The following ENG variants were observed in gnomAD, a reference collection of about 807,000 sequenced individuals.
ENG encodes CD105 antigen.
Under a neutral mutation model 71.0 loss-of-function variants are expected in ENG, and 17 were observed. That is an observed-to-expected ratio of 0.24 (90% confidence interval 0.16 to 0.36). The LOEUF is 0.36. ENG is among the 10% of genes least tolerant of loss of function. The pLI, the probability that ENG is intolerant of heterozygous loss-of-function variation, is 1.00. For synonymous variants in ENG, 360 were observed against 366.9 expected (o/e 0.98, Z 0.21); for missense variants, 749 against 868.3 (o/e 0.86, Z 1.73).
chr9:127,815,826 C>A lies in ENG; in HGVS notation c.1853-20G>T. ...GGGAACCTGGGAGCGGGAGCGGGGG[C>A]AGGGGCGGAGGTCAGGGTCCTGGCC... On this transcript the variant is annotated intron_variant, in intron 14 of 14. Transcript: ENST00000373203. 1 of 1,547,526 alleles carries A rather than the reference C, an allele frequency of 6.5e-7. No individual in the cohort carries two copies. The highest frequency in any genetic ancestry group is 8.7e-7 in the Non-Finnish European group (1 of 1,146,314).
intron 2 of ENG, among the ~76,000 whole-genome samples, chr9:127,841,580 C>T (rs1468734304): frequency 1.3e-5 from 2 of 152,228 alleles, no homozygotes; most frequent in Non-Finnish European, 2.9e-5. Context: ...CCACAGTCCT[C>T]GTAGAGGGCA....
In ENG at chr9:127,843,774, T is replaced by A. The variant is rs1319985524; in HGVS notation, c.68-529A>T. ...ATATATATTTTTTTTTTTTTTTTTT[T>A]TTTTTTTTTTTTTTGAGATGGAGTT... On this transcript the variant is annotated intron_variant, in intron 1 of 14. Transcript: ENST00000373203. Among the ~76,000 whole-genome samples, 112 of 96,568 alleles carry A rather than the reference T, an allele frequency of 1.2e-3. 1 individual carries two copies. Among genetic ancestry groups the A allele is most frequent in the Admixed American group, 2.7e-3 (23 of 8,482 alleles). The allele number at this position is 96,568 out of a possible 152,430, so 63.4% of individuals were successfully genotyped here. A position where few individuals can be genotyped will look rare whatever the true frequency, so the allele number is the denominator to read the frequency against.
chr9:127,819,449 C>T (rs900834187), intron 10 of ENG, 173 bp downstream of exon 10: 20 of 801,806 alleles, frequency 2.5e-5, no homozygotes, highest in African/African-American at 1.0e-4. Flanking sequence ...AGACCAAGAG[C>T]GTCACCCTCA....
chr9:127,835,659 C>G (rs1830882579), intron 2 of ENG, among the ~76,000 whole-genome samples: 1 of 152,164 alleles, frequency 6.6e-6, no homozygotes, highest in Non-Finnish European at 1.5e-5. Flanking sequence ...CCATCCAGTC[C>G]TACTGCTGCT....
At chr9:127,834,448 T>C (rs562082658) in intron 2 of ENG, among the ~76,000 whole-genome samples, 4 of 145,576 alleles carry the variant, frequency 2.7e-5, no homozygotes, top group Non-Finnish European at 4.5e-5. Context: ...CTTGCTCTGT[T>C]GCCCAGGCTA....
At chr9:127,818,867 G>A (rs1179723101) in intron 10 of ENG, 35 bp from the exon 11 acceptor site, 1 of 1,603,034 alleles carries the variant, frequency 6.2e-7, no homozygotes, top group Non-Finnish European at 8.5e-7. Context: ...TGGTCAATCT[G>A]GCGGCGCCAG....
At chr9:127,826,460 T>A in intron 4 of ENG, 50 bp downstream of exon 4, 1 of 1,609,518 alleles carries the variant, frequency 6.2e-7, no homozygotes, top group Non-Finnish European at 8.5e-7. Context: ...GGAGCTCAGA[T>A]TCCTCCTGAG....
intron 13 of ENG, chr9:127,816,390 C>T: frequency 2.4e-6 from 1 of 424,546 alleles, no homozygotes; most frequent in South Asian, 2.1e-5. Flanking sequence ...CCACCTGCTG[C>T]ATGACCTTGG....
rs1219811772 is a variant in ENG at position 127,825,237 on chromosome 9, C to A, written c.810G>T (p.Gln270His). Reference sequence around the variant, plus strand: ...GGAGCTGCGCACAACTCACCCAGATCTGCATGTTGTGGTTGGCGTCGATGA... The same window carrying A: ...GGAGCTGCGCACAACTCACCCAGATATGCATGTTGTGGTTGGCGTCGATGA... ...SWLIDANHNM[Q>H]IWTTGEYSFK... The change falls in exon 6 of 15, where the codon CAG becomes CAT. Residue 270 changes from glutamine to histidine, a missense_variant. Physicochemically the swap from Gln to His is conservative, Grantham distance 24. Coordinates refer to ENST00000373203, the MANE Select transcript of ENG (RefSeq NM_001114753.3). The A allele has an allele frequency of 6.2e-7, 1 of 1,612,864 alleles. No homozygotes were observed. Among genetic ancestry groups the A allele is most frequent in the Non-Finnish European group, 8.5e-7 (1 of 1,179,836 alleles).
At position 127,843,175 on chromosome 9, in the gene ENG, A is replaced by T; in HGVS notation, c.138T>A (p.Thr46=). The T allele has an allele frequency of 6.2e-7, 1 of 1,614,252 alleles. No individual in the cohort carries two copies. Among genetic ancestry groups the T allele is most frequent in the Non-Finnish European group, 8.5e-7 (1 of 1,180,052 alleles). The change falls in exon 2 of 15, where the codon ACT becomes ACA. Residue 46 remains threonine (T), a synonymous_variant. Coordinates refer to ENST00000373203, the MANE Select transcript of ENG (RefSeq NM_001114753.3). ...GPERGEVTYT[T]SQVSKGCVAQ... is the part of the protein sequence containing the mutation. The stretch of plus-strand genomic sequence containing the variant: ...CCACGCAGCCCTTCGAGACCTGGCT[A>T]GTGGTATATGTCACCTCGCCCCTCT...
At position 127,846,164 on chromosome 9, in the gene ENG, C is replaced by A. The variant is rs904303858; in HGVS notation, c.68-2919G>T. On this transcript the variant is annotated intron_variant, in intron 1 of 14. Coordinates refer to ENST00000373203, the MANE Select transcript of ENG (RefSeq NM_001114753.3). This position sits in a 1 kb window ranked among gnomAD's most constrained non-coding sequence, Gnocchi z 5.5. The stretch of plus-strand genomic sequence containing the variant: ...ATGGAGAGGTCACTGGGATCTCCCT[C>A]ACCCCAACAAAATCAAGGGCTGGTG... 7.9e-5 allele frequency among the ~76,000 whole-genome samples: 12 copies of A among 152,188 alleles called. No individual in the cohort carries two copies. The highest frequency in any genetic ancestry group is 2.7e-4 in the African/African-American group (11 of 41,444).
In ENG at chr9:127,854,478, C is replaced by T. The variant is rs548024640; in HGVS notation, c.-123G>A. On this transcript the variant is annotated 5_prime_UTR_variant, in exon 1 of 15. Transcript: ENST00000373203. ...CGAGGGGAGCAGGCGGCCGGAGCGA[C>T]GGCGTCCCTGCTCCAGCCTTCTGGG... 47 of 1,065,964 alleles carry T rather than the reference C, an allele frequency of 4.4e-5. No homozygotes were observed. Among genetic ancestry groups the T allele is most frequent in the African/African-American group, 3.4e-4 (21 of 61,842 alleles). The allele number at this position is 1,065,964 out of a possible 1,614,324, so 66.0% of individuals were successfully genotyped here.
chr9:127,826,352 T>A (rs1239515470), intron 4 of ENG, among the ~76,000 whole-genome samples, 158 bp downstream of exon 4: 7 of 152,198 alleles, frequency 4.6e-5, no homozygotes, highest in Non-Finnish European at 1.0e-4. Context: ...GGAGGAGCCA[T>A]CACTGTCCCA....
intron 6 of ENG, 29 bp downstream of exon 6, chr9:127,825,202 T>C: frequency 8.1e-6 from 13 of 1,613,090 alleles, no homozygotes; most frequent in Non-Finnish European, 1.1e-5. Context: ...AGTTTGGGTT[T>C]TGTGTCCCGG....
intron 4 of ENG, among the ~76,000 whole-genome samples, chr9:127,826,234 G>C (rs1447044278): frequency 6.6e-6 from 1 of 152,240 alleles, no homozygotes; most frequent in Admixed American, 6.5e-5. Context: ...CAAGTGCCTA[G>C]CATGATAGGG....
At chr9:127,837,430 T>C (rs1405310524) in intron 2 of ENG, among the ~76,000 whole-genome samples, 3 of 152,098 alleles carry the variant, frequency 2.0e-5, no homozygotes, top group African/African-American at 7.2e-5. Flanking sequence ...GATATGCTTC[T>C]TCCTCAGCTG....
At chr9:127,826,757 G>A in intron 3 of ENG, 85 bp from the exon 4 acceptor site, 2 of 1,552,670 alleles carry the variant, frequency 1.3e-6, no homozygotes, top group East Asian at 2.3e-5. Context: ...AGTAATTTGT[G>A]GAGTCAGCCC....
In ENG at chr9:127,817,993, A is replaced by G. The variant is rs377264303; in HGVS notation, c.1686+127T>C. 23 of 1,495,898 alleles carry G rather than the reference A, an allele frequency of 1.5e-5. No individual in the cohort carries two copies. The East Asian group carries it at 1.8e-4, about 12-fold the overall frequency. 92.7% of individuals were successfully genotyped at this position (1,495,898 alleles called of 1,614,324 possible). On this transcript the variant is annotated intron_variant, in intron 12 of 14. Coordinates refer to ENST00000373203, the MANE Select transcript of ENG (RefSeq NM_001114753.3). ...GCTGGCAGCCAGACTGCCAGGCCAC[A>G]TGCCTGATTAAGGCTCCGCCCCTCA...
At chr9:127,833,272 A>G (rs530701029) in intron 2 of ENG, among the ~76,000 whole-genome samples, 12 of 152,320 alleles carry the variant, frequency 7.9e-5, no homozygotes, top group African/African-American at 2.6e-4. Flanking sequence ...CTGTAATCCC[A>G]GCACTTTGGG....
Sources: allele counts gnomAD v4.1 joint callset (sites outside exome capture counted in the v4.1 genomes callset), GRCh38; gene constraint gnomAD v4.1.1; non-coding constraint Gnocchi (gnomAD v3.1); transcripts MANE v1.5; gene names NCBI Gene and HGNC (gene_info 2026-07-23, HGNC 2026-07-21).